Variants in COG5 observed in about 807,000 individuals in gnomAD.
COG5 encodes the protein component of oligomeric golgi complex 5.
COG5 carries 86 observed loss-of-function variants against 110.4 expected under a neutral mutation model. The ratio of observed to expected loss-of-function variants is 0.78; its 90% CI spans 0.65 to 0.93. The LOEUF is 0.93. Ranked by LOEUF, COG5 falls within the 40% of genes least tolerant of loss-of-function variation. The probability of loss-of-function intolerance (pLI) is 0.00; values close to 1 mark genes in which losing one functional copy is unlikely to be tolerated. For synonymous variants in COG5, 360 were observed against 334.6 expected (o/e 1.08, Z -0.83); for missense variants, 1,077 against 987.0 (o/e 1.09, Z -1.22).
chr7:107,463,405 G>A (rs979056003), intron 6 of COG5, among the ~76,000 whole-genome samples: 2 of 152,144 alleles, frequency 1.3e-5, no homozygotes, highest in Non-Finnish European at 2.9e-5. Context: ...TTCCCTCCTG[G>A]GATGATACAT....
chr7:107,353,880 T>C (rs1444666113), intron 10 of COG5, among the ~76,000 whole-genome samples: 19 of 152,098 alleles, frequency 1.2e-4, no homozygotes, highest in Non-Finnish European at 2.9e-5. Flanking sequence ...TTTTTTTCCC[T>C]TGAACATTCC....
In COG5 at chr7:107,549,477, C is replaced by T. The variant is rs2283040; in HGVS notation, c.293-1145G>A. Reference sequence around the variant, plus strand: ...CTTGATCCCCCCTCACTGCATGCTCCGCCTCCCGGGTTCACGCCATTCTCC... The same window carrying T: ...CTTGATCCCCCCTCACTGCATGCTCTGCCTCCCGGGTTCACGCCATTCTCC... On this transcript the variant is annotated intron_variant, in intron 3 of 21. Transcript: ENST00000297135. Among the ~76,000 whole-genome samples, 18 of 152,180 alleles carry T rather than the reference C, an allele frequency of 1.2e-4. No individual in the cohort carries two copies. In the East Asian group the frequency reaches 1.5e-3, roughly 13 times the overall value.
At chr7:107,273,439 CA>C (rs1472647763) in intron 14 of COG5, among the ~76,000 whole-genome samples, 1 of 152,112 alleles carries the variant, frequency 6.6e-6, no homozygotes, top group Non-Finnish European at 1.5e-5. Context: ...TTTAAGCACA[CA>C]TGAAGGAATT....
intron 14 of COG5, among the ~76,000 whole-genome samples, chr7:107,274,270 A>G (rs1804510850): frequency 6.6e-6 from 1 of 152,212 alleles, no homozygotes; most frequent in African/African-American, 2.4e-5. Context: ...TACGCCCTGC[A>G]TAACAGTCTG....
chr7:107,531,720 G>T (rs1432081514), intron 5 of COG5, among the ~76,000 whole-genome samples: 1 of 150,774 alleles, frequency 6.6e-6, no homozygotes, highest in Non-Finnish European at 1.5e-5. Context: ...CATAATAAGG[G>T]ATGCCCAACC....
chr7:107,408,577 T>A (rs1213128352), intron 7 of COG5, among the ~76,000 whole-genome samples: 1 of 152,232 alleles, frequency 6.6e-6, no homozygotes, highest in Admixed American at 6.5e-5. Flanking sequence ...CTATAAGAAC[T>A]TGTTTGACAT....
chr7:107,410,793 A>C (rs1792226870), intron 7 of COG5, among the ~76,000 whole-genome samples: 1 of 152,194 alleles, frequency 6.6e-6, no homozygotes, highest in Admixed American at 6.5e-5. Context: ...TAACAGGAAC[A>C]AGGGAGTGGG....
At chr7:107,490,268 G>A (rs1276547796) in intron 6 of COG5, among the ~76,000 whole-genome samples, 1 of 152,036 alleles carries the variant, frequency 6.6e-6, no homozygotes, top group South Asian at 2.1e-4. Flanking sequence ...GAGCTCAAGA[G>A]AGCCTCCCAC....
In COG5 at chr7:107,563,884, C is replaced by T. The variant is rs1319732905; in HGVS notation, c.13G>A (p.Gly5Ser). 7 of 1,613,634 alleles carry T rather than the reference C, an allele frequency of 4.3e-6. No individual in the cohort carries two copies. Among genetic ancestry groups the T allele is most frequent in the East Asian group, 2.2e-5 (1 of 44,874 alleles). MEGG[G>S]GSVAVAGLGA... ...AGGCCAGCTACAGCGACGCTGCCGC[C>T]GCCACCTTCCATGTTGGCAGGTGCC... Residue 5 changes from glycine (G) to serine (S), a missense_variant, in exon 1 of 22, where the codon GGC (glycine) becomes AGC (serine). Gly to Ser is a moderately conservative substitution (Grantham distance 56). Coordinates refer to ENST00000297135, the MANE Select transcript of COG5 (RefSeq NM_006348.5).
intron 13 of COG5, among the ~76,000 whole-genome samples, chr7:107,282,733 G>C (rs114494090): frequency 7.2e-5 from 11 of 151,980 alleles, no homozygotes; most frequent in Non-Finnish European, 1.6e-4. Context: ...GGATGGTCTG[G>C]AACTCCTGAC....
intron 10 of COG5, among the ~76,000 whole-genome samples, chr7:107,348,040 C>T (rs1167375372): frequency 1.4e-5 from 2 of 146,836 alleles, no homozygotes; most frequent in Non-Finnish European, 1.5e-5. Context: ...GCAGGAGAAT[C>T]GCTTGAACCT....
At chr7:107,424,721 CCT>C (rs1468803219) in intron 6 of COG5, among the ~76,000 whole-genome samples, 1 of 152,118 alleles carries the variant, frequency 6.6e-6, no homozygotes, top group African/African-American at 2.4e-5. Flanking sequence ...TTACATTATA[CCT>C]TTTTTGACAG....
intron 7 of COG5, among the ~76,000 whole-genome samples, chr7:107,397,655 T>TTATA (rs1297057585): frequency 6.6e-6 from 1 of 152,192 alleles, no homozygotes; most frequent in Non-Finnish European, 1.5e-5. Context: ...TTCTAAGTAT[T>TTATA]TATATATCAT....
At chr7:107,431,424 C>T (rs1794020159) in intron 6 of COG5, among the ~76,000 whole-genome samples, 1 of 152,088 alleles carries the variant, frequency 6.6e-6, no homozygotes, top group South Asian at 2.1e-4. Context: ...TTACAACTGG[C>T]AAATCTAGGT....
intron 6 of COG5, among the ~76,000 whole-genome samples, chr7:107,524,935 T>A (rs1318753986): frequency 6.6e-6 from 1 of 152,054 alleles, no homozygotes; most frequent in Admixed American, 6.6e-5. Context: ...GGTTTTTTGT[T>A]TGTTTGTTTG....
In COG5 at chr7:107,324,478, G is replaced by C; in HGVS notation, c.1070C>G (p.Thr357Ser). 1 of 1,606,278 alleles carries C rather than the reference G, an allele frequency of 6.2e-7. No homozygotes were observed. The highest frequency in any genetic ancestry group is 1.1e-5 in the South Asian group (1 of 88,968). ...ATGAAATTGAGAAGAAAGTGCCTGAGTAACTGAATTCCAAAATGTGTAGAA... is the reference window on the plus strand; with the variant it reads ...ATGAAATTGAGAAGAAAGTGCCTGACTAACTGAATTCCAAAATGTGTAGAA... Reference protein sequence around the residue: ...EIFYTFWNSVTQALSSQFHMA... With the variant: ...EIFYTFWNSVSQALSSQFHMA... The change falls in exon 11 of 22, where the codon ACT (threonine) becomes AGT (serine). Residue 357 changes from threonine to serine, a missense_variant. Coordinates refer to ENST00000297135, the MANE Select transcript of COG5 (RefSeq NM_006348.5).
intron 6 of COG5, among the ~76,000 whole-genome samples, chr7:107,487,793 A>G (rs1418644342): frequency 6.6e-6 from 1 of 152,090 alleles, no homozygotes; most frequent in African/African-American, 2.4e-5. Flanking sequence ...GTTTTTAAAT[A>G]TTATCCAGCC....
intron 5 of COG5, among the ~76,000 whole-genome samples, chr7:107,544,250 T>C (rs755717547): frequency 3.3e-5 from 5 of 151,376 alleles, no homozygotes; most frequent in Admixed American, 1.3e-4. Context: ...AAGCCAGGCA[T>C]TGTGGACTCA....
chr7:107,251,630 T>A (rs1402739715), intron 16 of COG5, among the ~76,000 whole-genome samples: 5 of 152,042 alleles, frequency 3.3e-5, no homozygotes, highest in Non-Finnish European at 7.4e-5. Context: ...ATGACTCAGA[T>A]AAGAAATCAC....
Sources: allele counts gnomAD v4.1 joint callset (sites outside exome capture counted in the v4.1 genomes callset), GRCh38; gene constraint gnomAD v4.1.1; transcripts MANE v1.5; gene names NCBI Gene and HGNC (gene_info 2026-07-23, HGNC 2026-07-21).